Variants in CNTN5 observed in about 807,000 individuals in gnomAD.
CNTN5 encodes the protein contactin 5.
In CNTN5, 77 loss-of-function variants were observed where a neutral mutation model predicts 129.1. The ratio of observed to expected loss-of-function variants is 0.60; its 90% CI spans 0.50 to 0.72. The LOEUF (loss-of-function observed/expected upper bound fraction) is 0.72. Among genes scored for constraint, CNTN5 ranks in the 30% least tolerant of loss-of-function variants. The pLI is 0.00. For synonymous variants in CNTN5, 509 were observed against 465.6 expected (o/e 1.09, Z -1.20); for missense variants, 1,478 against 1,328.8 (o/e 1.11, Z -1.75).
chr11:99,922,975 C>T (rs533026012), intron 7 of CNTN5, among the ~76,000 whole-genome samples: 17 of 152,244 alleles, frequency 1.1e-4, no homozygotes, highest in African/African-American at 3.8e-4. Context: ...TCATGTATTG[C>T]TATTTCAAAT....
At chr11:99,111,246 C>T (rs759540690) in intron 1 of CNTN5, among the ~76,000 whole-genome samples, 19 of 152,008 alleles carry the variant, frequency 1.2e-4, no homozygotes, top group Admixed American at 4.6e-4. Flanking sequence ...TCAGTTCCAT[C>T]TTGTGTCTAT....
chr11:99,196,738 A>G (rs756382231), intron 1 of CNTN5, among the ~76,000 whole-genome samples: 7 of 152,074 alleles, frequency 4.6e-5, no homozygotes, highest in African/African-American at 1.7e-4. Context: ...TTATTTTAAT[A>G]TATCATGATG....
intron 3 of CNTN5, among the ~76,000 whole-genome samples, chr11:99,756,756 A>G (rs150952536): frequency 6.6e-6 from 1 of 152,146 alleles, no homozygotes; most frequent in East Asian, 1.9e-4. Context: ...TTGTTATATA[A>G]GAAAGAAATG....
intron 2 of CNTN5, among the ~76,000 whole-genome samples, chr11:99,526,106 T>C (rs1947475278): frequency 6.6e-6 from 1 of 152,252 alleles, no homozygotes; most frequent in Admixed American, 6.5e-5. Flanking sequence ...AGCAAAAAAC[T>C]GTAAGGCTAT....
At chr11:99,945,236 G>A (rs149034467) in intron 7 of CNTN5, among the ~76,000 whole-genome samples, 1 of 152,114 alleles carries the variant, frequency 6.6e-6, no homozygotes, top group African/African-American at 2.4e-5. Flanking sequence ...TTTGATATGA[G>A]ATTGGAATAC....
intron 9 of CNTN5, among the ~76,000 whole-genome samples, chr11:100,055,327 T>C (rs1943169377): frequency 6.6e-6 from 1 of 151,656 alleles, no homozygotes; most frequent in African/African-American, 2.4e-5. Context: ...ATTTTAGTAC[T>C]GTCCCTTTTT....
chr11:99,761,388 G>A (rs752500781), intron 3 of CNTN5, among the ~76,000 whole-genome samples: 3 of 152,072 alleles, frequency 2.0e-5, no homozygotes, highest in South Asian at 4.1e-4. Context: ...CTAGCATTAG[G>A]TATATCTCCC....
intron 3 of CNTN5, among the ~76,000 whole-genome samples, chr11:99,768,580 A>G (rs1944837048): frequency 1.3e-5 from 2 of 152,246 alleles, no homozygotes; most frequent in South Asian, 2.1e-4. Flanking sequence ...CATTTTCACA[A>G]AATCCAAGAC....
chr11:100,309,055 T>A, intron 21 of CNTN5: 1 of 985,134 alleles, frequency 1.0e-6, no homozygotes, highest in Non-Finnish European at 1.2e-6. Context: ...GTGAGTAGTC[T>A]GTGAACATGA....
chr11:99,359,704 G>C (rs1265403365), intron 2 of CNTN5, among the ~76,000 whole-genome samples: 2 of 151,786 alleles, frequency 1.3e-5, no homozygotes, highest in African/African-American at 4.8e-5. Context: ...AGCTAAATCA[G>C]ATATGCATGA....
At chr11:99,845,522 G>A (rs912990420) in intron 6 of CNTN5, among the ~76,000 whole-genome samples, 2 of 151,302 alleles carry the variant, frequency 1.3e-5, no homozygotes, top group Admixed American at 1.3e-4. Flanking sequence ...ACAGGCGCCC[G>A]CCACTACGCC....
chr11:99,223,029 T>C (rs1860480681), intron 1 of CNTN5, among the ~76,000 whole-genome samples: 2 of 152,112 alleles, frequency 1.3e-5, no homozygotes, highest in Non-Finnish European at 2.9e-5. Flanking sequence ...CATCTTTTCT[T>C]TTCCAAATGA....
At chr11:99,277,373 T>C (rs934914797) in intron 1 of CNTN5, among the ~76,000 whole-genome samples, 3 of 151,664 alleles carry the variant, frequency 2.0e-5, no homozygotes, top group Non-Finnish European at 4.4e-5. Context: ...TATAGTCATT[T>C]CCTAGACTTC....
At chr11:99,073,060 G>A (rs181300181) in intron 1 of CNTN5, among the ~76,000 whole-genome samples, 1 of 152,120 alleles carries the variant, frequency 6.6e-6, no homozygotes, top group Non-Finnish European at 1.5e-5. Context: ...TGACATATTC[G>A]CTCCTTCGTT....
chr11:99,734,259 T>C (rs1943628468), intron 3 of CNTN5, among the ~76,000 whole-genome samples: 1 of 152,214 alleles, frequency 6.6e-6, no homozygotes, highest in Non-Finnish European at 1.5e-5. Context: ...ATTATATTCT[T>C]ACTGTAACAT....
intron 10 of CNTN5, among the ~76,000 whole-genome samples, chr11:100,065,827 A>T (rs569874093): frequency 3.3e-4 from 50 of 152,234 alleles, no homozygotes; most frequent in African/African-American, 1.1e-3. Context: ...TGATATATTA[A>T]AATCCTTGCC....
chr11:99,367,249 A>C (rs1939510335), intron 2 of CNTN5, among the ~76,000 whole-genome samples: 1 of 152,206 alleles, frequency 6.6e-6, no homozygotes, highest in Non-Finnish European at 1.5e-5. Flanking sequence ...ACTTTCAAAC[A>C]ATTCATAATT....
intron 2 of CNTN5, among the ~76,000 whole-genome samples, chr11:99,353,670 C>T (rs187513446): frequency 2.3e-4 from 35 of 152,256 alleles, no homozygotes; most frequent in Non-Finnish European, 4.6e-4. Flanking sequence ...AACTCAGTTC[C>T]ACTAATGAGG....
chr11:99,986,447 C>A (rs1045415512), intron 8 of CNTN5, among the ~76,000 whole-genome samples: 3 of 152,066 alleles, frequency 2.0e-5, no homozygotes, highest in East Asian at 3.9e-4. Flanking sequence ...ACTGCTACAC[C>A]ACTAATTACA....
Sources: allele counts gnomAD v4.1 joint callset (sites outside exome capture counted in the v4.1 genomes callset), GRCh38; gene constraint gnomAD v4.1.1; transcripts MANE v1.5; gene names NCBI Gene and HGNC (gene_info 2026-07-23, HGNC 2026-07-21).